ACAP2: variants seen among roughly 807,000 people sequenced by gnomAD.
The protein encoded by ACAP2 is ArfGAP with coiled-coil, ankyrin repeat and PH domains 2, also known as arf-GAP with coiled-coil, ANK repeat and PH domain-containing protein 2.
A neutral mutation model predicts 115.8 loss-of-function variants in ACAP2; 39 were observed. The ratio of observed to expected loss-of-function variants is 0.34; its 90% CI spans 0.26 to 0.44. The LOEUF (loss-of-function observed/expected upper bound fraction) is 0.44, where lower values mean the gene tolerates loss of function less well. ACAP2 is among the 20% of genes least tolerant of loss of function. The probability of loss-of-function intolerance (pLI) is 1.00; values close to 1 mark genes in which losing one functional copy is unlikely to be tolerated. For synonymous variants in ACAP2, 289 were observed against 315.8 expected, an observed-to-expected ratio of 0.92 and a Z score of 0.90; for missense variants, 662 against 927.6, an observed-to-expected ratio of 0.71 and a Z score of 3.72.
intron 4 of ACAP2, among the ~76,000 whole-genome samples, chr3:195,372,623 A>G (rs183420144): frequency 6.6e-6 from 1 of 152,170 alleles, no homozygotes; most frequent in Non-Finnish European, 1.5e-5. Context: ...GGAGTTCAAG[A>G]CCAGCCTGGG....
intron 1 of ACAP2, among the ~76,000 whole-genome samples, chr3:195,434,727 C>T (rs73890826): frequency 0.023 from 3,550 of 152,266 alleles, 137 homozygotes; most frequent in African/African-American, 0.08. Context: ...TTGGCCAGTG[C>T]TTTTCTTTTT....
intron 1 of ACAP2, among the ~76,000 whole-genome samples, chr3:195,425,519 C>G (rs1714618445): frequency 6.6e-6 from 1 of 152,148 alleles, no homozygotes; most frequent in African/African-American, 2.4e-5. Context: ...ACATGGTGGT[C>G]TGTGTCCCAA....
intron 15 of ACAP2, among the ~76,000 whole-genome samples, chr3:195,301,255 T>G (rs574920183): frequency 1.3e-5 from 2 of 151,954 alleles, no homozygotes; most frequent in Non-Finnish European, 2.9e-5. Context: ...CTGGCTAATT[T>G]TTTGTATTTT....
In ACAP2 at chr3:195,360,806, A is replaced by T. The variant is rs185546503; in HGVS notation, c.286-15489T>A. Reference sequence around the variant, plus strand: ...GAGTGAGACTCCATCTCAAAAAAATAAAAAAAAAAGGAAAAAGAAAAGAAA... The same window carrying T: ...GAGTGAGACTCCATCTCAAAAAAATTAAAAAAAAAGGAAAAAGAAAAGAAA... On this transcript the variant is annotated intron_variant, in intron 4 of 22. Transcript: ENST00000326793. 2.1e-3 allele frequency among the ~76,000 whole-genome samples: 316 copies of T among 147,598 alleles called. 2 individuals are homozygous for T. Among genetic ancestry groups the T allele is most frequent in the African/African-American group, 7.1e-3 (290 of 40,684 alleles).
chr3:195,314,803 C>A (rs1319295425), intron 10 of ACAP2, among the ~76,000 whole-genome samples: 1 of 152,184 alleles, frequency 6.6e-6, no homozygotes, highest in East Asian at 1.9e-4. Context: ...TAAACACAGT[C>A]TTTTACTCAA....
chr3:195,353,775 ACAT>A (rs1367691164), intron 4 of ACAP2, among the ~76,000 whole-genome samples: 7 of 151,954 alleles, frequency 4.6e-5, no homozygotes, highest in Non-Finnish European at 1.0e-4. Context: ...TGTTAAAAAA[ACAT>A]CATTATATTC....
At chr3:195,428,069 A>G (rs1013121513) in intron 1 of ACAP2, among the ~76,000 whole-genome samples, 1 of 151,960 alleles carries the variant, frequency 6.6e-6, no homozygotes, top group Non-Finnish European at 1.5e-5. Context: ...ATTATCAATA[A>G]TCCAGAAAAG....
At position 195,306,586 on chromosome 3, in the gene ACAP2, C is replaced by T. The variant is rs1473971437; in HGVS notation, c.1041G>A (p.Lys347=). The T allele has an allele frequency of 1.2e-6, 2 of 1,612,910 alleles. No individual in the cohort carries two copies. Among genetic ancestry groups the T allele is most frequent in the East Asian group, 2.2e-5 (1 of 44,728 alleles). ...KSCMLQADSE[K]LRQAWIKAVQ... is the part of the protein sequence containing the mutation. ...CAGCCTTAATCCATGCCTGGCGCAG[C>T]TTTTCGGAATCTGCCTGGAGCATGC... Residue 347 remains lysine, a synonymous_variant, in exon 13 of 23, where the codon AAG becomes AAA. Coordinates refer to ENST00000326793, the MANE Select transcript of ACAP2 (RefSeq NM_012287.6).
intron 1 of ACAP2, among the ~76,000 whole-genome samples, chr3:195,394,375 T>C (rs1711569437): frequency 6.6e-6 from 1 of 152,252 alleles, no homozygotes. Flanking sequence ...TCCATTTCTT[T>C]CAAGCAAATT....
At chr3:195,324,919 T>C (rs1729676099) in intron 9 of ACAP2, among the ~76,000 whole-genome samples, 1 of 152,022 alleles carries the variant, frequency 6.6e-6, no homozygotes, top group African/African-American at 2.4e-5. Flanking sequence ...GCCTCAAATA[T>C]ATTATGAATT....
chr3:195,422,329 AATAAC>A (rs1163045707), intron 1 of ACAP2, among the ~76,000 whole-genome samples: 1 of 151,602 alleles, frequency 6.6e-6, no homozygotes, highest in African/African-American at 2.4e-5. Flanking sequence ...CACACATAAT[AATAAC>A]AAAAAATCCT....
chr3:195,354,962 C>T (rs1431003831), intron 4 of ACAP2, among the ~76,000 whole-genome samples: 3 of 152,192 alleles, frequency 2.0e-5, no homozygotes, highest in Admixed American at 6.5e-5. Flanking sequence ...TTCCCAGGTT[C>T]GAGCAATTCT....
intron 14 of ACAP2, 71 bp downstream of exon 14, chr3:195,301,895 C>A: frequency 1.3e-6 from 2 of 1,525,220 alleles, no homozygotes; most frequent in South Asian, 1.2e-5. Context: ...GGGCAACTAA[C>A]AAGTGAAACA....
intron 10 of ACAP2, 41 bp downstream of exon 10, chr3:195,320,660 A>G (rs1331573202): frequency 7.1e-7 from 1 of 1,413,514 alleles, no homozygotes; most frequent in African/African-American, 1.4e-5. Context: ...CAGAAAATCA[A>G]AACTATGTAT....
chr3:195,425,026 CAAAAAAAAAAAAAAAA>C (rs10690317), intron 1 of ACAP2, among the ~76,000 whole-genome samples: 2 of 26,644 alleles, frequency 7.5e-5, no homozygotes, highest in South Asian at 1.7e-3. Context: ...GACTCCGTCT[CAAAAAAAAAAAAAAAA>C]AAAAAAAAAA....
At position 195,442,884 on chromosome 3, in the gene ACAP2, A is replaced by G. The variant is rs957320304; in HGVS notation, c.-37T>C. On this transcript the variant is annotated 5_prime_UTR_variant, in exon 1 of 23. Transcript: ENST00000326793. ...CTCGCAGGCGGCGCTGGCAAAGCCG[A>G]GGGGGCCGCGGGAGCGGCCGCGCTG... is the stretch of plus-strand genomic sequence containing the variant. The G allele has an allele frequency of 7.3e-6, 11 of 1,501,644 alleles. No individual in the cohort carries two copies. The highest frequency in any genetic ancestry group is 9.8e-6 in the Non-Finnish European group (11 of 1,126,260). 93.0% of individuals were successfully genotyped at this position (1,501,644 alleles called of 1,614,324 possible). A position where few individuals can be genotyped will look rare whatever the true frequency, so the allele number is the denominator to read the frequency against.
intron 1 of ACAP2, among the ~76,000 whole-genome samples, chr3:195,411,431 A>G (rs1713253461): frequency 6.6e-6 from 1 of 152,244 alleles, no homozygotes; most frequent in Non-Finnish European, 1.5e-5. Flanking sequence ...TGTGCATATA[A>G]TAGAATACGC....
intron 4 of ACAP2, among the ~76,000 whole-genome samples, chr3:195,357,357 G>C (rs1013686781): frequency 6.6e-6 from 1 of 152,104 alleles, no homozygotes; most frequent in African/African-American, 2.4e-5. Flanking sequence ...CTGACTTCCA[G>C]GCACTCTGAA....
At chr3:195,435,804 G>A (rs905236989) in intron 1 of ACAP2, among the ~76,000 whole-genome samples, 2 of 152,154 alleles carry the variant, frequency 1.3e-5, no homozygotes, top group South Asian at 2.1e-4. Flanking sequence ...ATGTAAACTC[G>A]AGAAGAATGT....
Sources: gnomAD v4.1 joint callset for allele counts (sites outside exome capture counted in the v4.1 genomes callset) on GRCh38, gnomAD v4.1.1 for gene constraint, MANE v1.5 for transcripts, NCBI Gene and HGNC (gene_info 2026-07-23, HGNC 2026-07-21) for gene names.